ARHGAP19: variants seen among roughly 807,000 people sequenced by gnomAD.
The protein encoded by ARHGAP19 is rho GTPase-activating protein 19.
In ARHGAP19, 48 loss-of-function variants were observed where a neutral mutation model predicts 60.9. The observed-to-expected ratio is 0.79, with a 90% CI of 0.62 to 1.00. The LOEUF (loss-of-function observed/expected upper bound fraction) is 1.00. Among genes scored for constraint, ARHGAP19 ranks in the 50% least tolerant of loss-of-function variants. The probability of loss-of-function intolerance (pLI) is 0.00; values close to 1 mark genes in which losing one functional copy is unlikely to be tolerated. For missense variants in ARHGAP19, 562 were observed against 597.2 expected, an observed-to-expected ratio of 0.94 and a Z score of 0.61; for synonymous variants, 209 against 215.5, an observed-to-expected ratio of 0.97 and a Z score of 0.27.
intron 6 of ARHGAP19, among the ~76,000 whole-genome samples, chr10:97,247,856 C>T (rs1411252919): frequency 6.6e-6 from 1 of 151,606 alleles, no homozygotes; most frequent in East Asian, 1.9e-4. Flanking sequence ...CACAAATGTA[C>T]ATTTACTTGT....
At chr10:97,262,052 T>C (rs1842835890) in intron 4 of ARHGAP19, among the ~76,000 whole-genome samples, 3 of 152,130 alleles carry the variant, frequency 2.0e-5, no homozygotes, top group African/African-American at 7.2e-5. Flanking sequence ...AAGGATACTT[T>C]AGAAATCAGT....
At position 97,225,962 on chromosome 10, in the gene ARHGAP19, G is replaced by T; in HGVS notation, c.*160C>A. On this transcript the variant is annotated 3_prime_UTR_variant, in exon 12 of 12. Coordinates refer to ENST00000358531, the MANE Select transcript of ARHGAP19 (RefSeq NM_032900.6). ...ACAGCTTGCAAACATCATCCAGTGA[G>T]TGGGGTTAGAGGTATCAGTCGGGTC... 1 of 670,810 alleles carries T rather than the reference G, an allele frequency of 1.5e-6. No individual in the cohort carries two copies. Among genetic ancestry groups the T allele is most frequent in the Non-Finnish European group, 2.5e-6 (1 of 394,758 alleles). The allele number at this position is 670,810 out of a possible 1,614,324, so 41.6% of individuals were successfully genotyped here. A position where few individuals can be genotyped will look rare whatever the true frequency, so the allele number is the denominator to read the frequency against.
chr10:97,257,757 CTTTAT>C (rs1842775582), intron 5 of ARHGAP19, among the ~76,000 whole-genome samples: 1 of 152,150 alleles, frequency 6.6e-6, no homozygotes, highest in Non-Finnish European at 1.5e-5. Context: ...TGACCCAGAA[CTTTAT>C]TATTTTTTCA....
chr10:97,291,850 C>T (rs1282157641), intron 1 of ARHGAP19, among the ~76,000 whole-genome samples: 1 of 151,934 alleles, frequency 6.6e-6, no homozygotes, highest in Non-Finnish European at 1.5e-5. Flanking sequence ...AACACCACCT[C>T]GAAATTCTCT....
chr10:97,247,611 TCC>T (rs1287261776), intron 6 of ARHGAP19, among the ~76,000 whole-genome samples: 2 of 147,572 alleles, frequency 1.4e-5, no homozygotes, highest in African/African-American at 2.5e-5. Flanking sequence ...CTTTCATACA[TCC>T]ATACAATACA....
chr10:97,247,889 A>C (rs1025267267), intron 6 of ARHGAP19, among the ~76,000 whole-genome samples: 4 of 152,136 alleles, frequency 2.6e-5, no homozygotes, highest in Admixed American at 2.0e-4. Context: ...AAACACTAAC[A>C]GGATAACCCA....
chr10:97,284,548 C>T (rs994454839), intron 1 of ARHGAP19, among the ~76,000 whole-genome samples: 1 of 152,032 alleles, frequency 6.6e-6, no homozygotes, highest in Admixed American at 6.6e-5. Context: ...TGTTCTATTG[C>T]CCATGCTAGA....
At chr10:97,235,482 A>G (rs761084061) in intron 8 of ARHGAP19, among the ~76,000 whole-genome samples, 167 bp from the exon 9 acceptor site, 1 of 152,200 alleles carries the variant, frequency 6.6e-6, no homozygotes, top group Non-Finnish European at 1.5e-5. Context: ...TGATGATGCC[A>G]AAAGAAGTGG....
At chr10:97,276,649 T>G (rs1589379129) in intron 1 of ARHGAP19, among the ~76,000 whole-genome samples, 1 of 4,398 alleles carries the variant, frequency 2.3e-4, no homozygotes, top group African/African-American at 2.4e-4. Flanking sequence ...GGGAGGGAGG[T>G]GGGGGCGTCA....
chr10:97,267,238 T>C (rs900244101), intron 1 of ARHGAP19, among the ~76,000 whole-genome samples: 17 of 152,306 alleles, frequency 1.1e-4, no homozygotes, highest in Middle Eastern at 3.4e-3. Flanking sequence ...AAGGCAGTAA[T>C]TAAATCTTAC....
intron 8 of ARHGAP19, 114 bp from the exon 9 acceptor site, chr10:97,235,429 T>C (rs773811991): frequency 4.6e-6 from 4 of 860,686 alleles, no homozygotes; most frequent in South Asian, 3.2e-5. Flanking sequence ...AGTCTGCGCA[T>C]AGATGGATTA....
chr10:97,256,862 C>G lies in ARHGAP19; in HGVS notation c.841-458G>C, dbSNP rs564885372. ...AATTACCGGGCGTGGTGGCTCATGC[C>G]TGTAATCCCAGCACTTTGGGAGGCC... On this transcript the variant is annotated intron_variant, in intron 5 of 11. Transcript: ENST00000358531. Among the ~76,000 whole-genome samples the G allele has an allele frequency of 2.0e-5, 3 of 152,306 alleles. No individual in the cohort carries two copies. In the East Asian group the frequency reaches 5.8e-4, roughly 29 times the overall value.
At chr10:97,248,684 A>G (rs1201658693) in intron 6 of ARHGAP19, among the ~76,000 whole-genome samples, 2 of 152,206 alleles carry the variant, frequency 1.3e-5, no homozygotes, top group Non-Finnish European at 2.9e-5. Context: ...GGCCAGCGCA[A>G]GTACAAAGTG....
intron 9 of ARHGAP19, 43 bp from the exon 10 acceptor site, chr10:97,229,917 G>A: frequency 1.5e-6 from 2 of 1,373,428 alleles, no homozygotes; most frequent in East Asian, 2.3e-5. Context: ...AACACCTACT[G>A]CATCTACAGT....
intron 6 of ARHGAP19, among the ~76,000 whole-genome samples, chr10:97,247,412 C>A (rs1267139216): frequency 1.3e-5 from 2 of 152,158 alleles, no homozygotes; most frequent in Admixed American, 6.6e-5. Context: ...ATACAACTAC[C>A]ATAGAGGAAA....
At chr10:97,240,127 G>A (rs2484878) in intron 8 of ARHGAP19, among the ~76,000 whole-genome samples, 139,630 of 149,794 alleles carry the variant, frequency 0.93, 65,684 homozygotes, top group East Asian at 1. Context: ...TTTTAAGGGG[G>A]AAAAAAAAAA....
At chr10:97,237,273 A>AG (rs1358468100) in intron 8 of ARHGAP19, among the ~76,000 whole-genome samples, 1 of 151,540 alleles carries the variant, frequency 6.6e-6, no homozygotes, top group Admixed American at 6.6e-5. Context: ...CAAAAAAAAA[A>AG]AAAAAAAAAC....
At chr10:97,262,558 G>A (rs1038564759) in intron 4 of ARHGAP19, among the ~76,000 whole-genome samples, 1 of 152,180 alleles carries the variant, frequency 6.6e-6, no homozygotes, top group Non-Finnish European at 1.5e-5. Context: ...CCAGCTACTC[G>A]GGAGGCTGAG....
chr10:97,292,593 G>T lies in ARHGAP19; in HGVS notation c.35C>A (p.Pro12Gln). The change falls in exon 1 of 12, where the codon CCA becomes CAA. Residue 12 changes from proline to glutamine, a missense_variant. Transcript: ENST00000358531. ...TCACCTCCGGCCGGATTCGCGGGCTGGCACCTCCCCTTCACTCTGTGCCTC... is the reference window on the plus strand; with the variant it reads ...TCACCTCCGGCCGGATTCGCGGGCTTGCACCTCCCCTTCACTCTGTGCCTC... ...ATEAQSEGEV[P>Q]ARESGRSDAI... 6.2e-7 allele frequency: 1 copy of T among 1,614,140 alleles called. No individual in the cohort carries two copies. The highest frequency in any genetic ancestry group is 8.5e-7 in the Non-Finnish European group (1 of 1,180,028).
Sources: gnomAD v4.1 joint callset for allele counts (sites outside exome capture counted in the v4.1 genomes callset) on GRCh38, gnomAD v4.1.1 for gene constraint, MANE v1.5 for transcripts, NCBI Gene and HGNC (gene_info 2026-07-23, HGNC 2026-07-21) for gene names.